Variants in TMEM52B observed in about 807,000 individuals in gnomAD.
The protein encoded by TMEM52B is chromosome 12 open reading frame 59.
Under a neutral mutation model 16.1 loss-of-function variants are expected in TMEM52B, and 11 were observed. The ratio of observed to expected loss-of-function variants is 0.68; its 90% confidence interval spans 0.43 to 1.13. The LOEUF (loss-of-function observed/expected upper bound fraction) is 1.13. Among genes scored for constraint, TMEM52B ranks in the 50% most tolerant of loss-of-function variants. The probability of loss-of-function intolerance (pLI) is 0.00; values close to 1 mark genes in which losing one functional copy is unlikely to be tolerated. For missense variants in TMEM52B, 243 were observed against 230.4 expected (o/e 1.05, Z -0.35); for synonymous variants, 101 against 93.8 (o/e 1.08, Z -0.45).
upstream of TMEM52B, among the ~76,000 whole-genome samples, chr12:10,178,472 G>A (rs774367125): frequency 2.0e-5 from 3 of 148,878 alleles, no homozygotes; most frequent in Non-Finnish European, 4.4e-5. Context: ...GCAGTGAGCC[G>A]AGATTGCGCC....
chr12:10,187,834 C>T (rs1295075686), intron 4 of TMEM52B, among the ~76,000 whole-genome samples: 1 of 152,128 alleles, frequency 6.6e-6, no homozygotes, highest in Non-Finnish European at 1.5e-5. Context: ...CGCAGTGGCT[C>T]ATGCCTGTAA....
chr12:10,184,809 T>C lies in TMEM52B; in HGVS notation c.99-521T>C, dbSNP rs149932667. Among the ~76,000 whole-genome samples, 916 of 152,184 alleles carry C rather than the reference T, an allele frequency of 6.0e-3. 7 individuals are homozygous for C. The highest frequency in any genetic ancestry group is 8.8e-3 in the Non-Finnish European group (599 of 68,020). On this transcript the variant is annotated intron_variant, in intron 2 of 4. Transcript: ENST00000543484. The stretch of plus-strand genomic sequence containing the variant: ...CATCCATTTTCAAAGTTACTCTTTG[T>C]AAACTTGCATTCCAAGTTCTTTCTT...
In TMEM52B at chr12:10,171,415, T is replaced by C. The variant is rs559072577; in HGVS notation, c.-95+564T>C. Among the ~76,000 whole-genome samples, 4 of 152,352 alleles carry C rather than the reference T, an allele frequency of 2.6e-5. No individual in the cohort carries two copies. The South Asian group carries it at 8.3e-4, about 32-fold the overall frequency. On this transcript the variant is annotated intron_variant, in intron 1 of 5. Coordinates refer to the TMEM52B transcript ENST00000381923. ...TGTATGGGTCAAACAGAACTTACAA[T>C]TTTTCAAAGCAGTAGTACACAACAA...
At position 10,190,056 on chromosome 12, in the gene TMEM52B, A is replaced by C. The variant is rs1591994453; in HGVS notation, c.468A>C (p.Ala156=). The C allele has an allele frequency of 1.9e-6, 3 of 1,613,972 alleles. No individual in the cohort carries two copies. The highest frequency in any genetic ancestry group is 2.2e-5 in the East Asian group (1 of 44,900). The change falls in exon 5 of 5, where the codon GCA becomes GCC. Residue 156 remains alanine, a synonymous_variant. Coordinates refer to ENST00000543484, the MANE Select transcript of TMEM52B (RefSeq NM_001384896.1). ...RFTVAMCGQK[A]PDLPPVPEEK... is the part of the protein sequence containing the mutation. ...CAGTAGCCATGTGCGGGCAGAAAGC[A>C]CCTGATCTACCCCCAGTACCTGAAG...
chr12:10,180,682 A>G (rs1363410369), intron 1 of TMEM52B, among the ~76,000 whole-genome samples: 2 of 152,182 alleles, frequency 1.3e-5, no homozygotes, highest in Non-Finnish European at 2.9e-5. Context: ...TAAACTCCCA[A>G]TAGTTACAAA....
Position 10,188,491 on chromosome 12 carries a change from G to GGGAAGGAAGGAAGAAAGGAA in TMEM52B, c.308-1392_308-1391insAAAGGAAGGAAGGAAGGAAG, listed in dbSNP as rs1230315306. On this transcript the variant is annotated intron_variant, in intron 4 of 4. Coordinates refer to ENST00000543484, the MANE Select transcript of TMEM52B (RefSeq NM_001384896.1). ...AAAAGGAAAGAAAGAAAGAGAGAGA[G>GGGAAGGAAGGAAGAAAGGAA]GGAAGGAAGGAAGGAAGGAAGGAAG... Among the ~76,000 whole-genome samples, 59 of 78,238 alleles carry GGGAAGGAAGGAAGAAAGGAA rather than the reference G, an allele frequency of 7.5e-4. 1 individual carries two copies. Among genetic ancestry groups the GGGAAGGAAGGAAGAAAGGAA allele is most frequent in the African/African-American group, 2.7e-3 (57 of 21,394 alleles). The allele number at this position is 78,238 out of a possible 152,430, so 51.3% of individuals were successfully genotyped here.
At chr12:10,186,648 G>T in intron 4 of TMEM52B, 59 bp downstream of exon 4, 1 of 1,465,126 alleles carries the variant, frequency 6.8e-7, no homozygotes, top group Non-Finnish European at 9.2e-7. Flanking sequence ...ATAATGAAAA[G>T]GGTGCAAAGG....
In TMEM52B at chr12:10,182,292, C is replaced by G. The variant is rs1002824361; in HGVS notation, c.55-258C>G. 4.1e-6 allele frequency: 4 copies of G among 985,194 alleles called. No individual in the cohort carries two copies. In the African/African-American group the frequency reaches 7.0e-5, roughly 17 times the overall value. 61.0% of individuals were successfully genotyped at this position (985,194 alleles called of 1,614,324 possible). A position where few individuals can be genotyped will look rare whatever the true frequency, so the allele number is the denominator to read the frequency against. ...AACAAATTAATGTAAATGGCTACCT[C>G]TCATTCACAAAGGGTGATGCTCACC... On this transcript the variant is annotated intron_variant, in intron 1 of 4. Transcript: ENST00000543484.
At chr12:10,184,299 A>T (rs565504108) in intron 2 of TMEM52B, among the ~76,000 whole-genome samples, 1 of 152,320 alleles carries the variant, frequency 6.6e-6, no homozygotes, top group East Asian at 1.9e-4. Context: ...GATGTAAGTA[A>T]GTGTTTCCCG....
chr12:10,178,739 T>A (rs1948789261), upstream of TMEM52B, among the ~76,000 whole-genome samples: 1 of 152,020 alleles, frequency 6.6e-6, no homozygotes, highest in Non-Finnish European at 1.5e-5. Context: ...AATTTGGTTT[T>A]AAAAAAATGT....
chr12:10,188,568 A>C (rs2137561696), intron 4 of TMEM52B, among the ~76,000 whole-genome samples: 1 of 151,818 alleles, frequency 6.6e-6, no homozygotes, highest in South Asian at 2.1e-4. Flanking sequence ...AAAAAGAAAA[A>C]GAAAAAGAAA....
chr12:10,178,663 A>G (rs377150600), upstream of TMEM52B, among the ~76,000 whole-genome samples: 2 of 127,272 alleles, frequency 1.6e-5, no homozygotes, highest in East Asian at 2.0e-4. Flanking sequence ...GAGAGAGAGA[A>G]AGAGAGAGAA....
intron 4 of TMEM52B, among the ~76,000 whole-genome samples, chr12:10,188,834 C>G (rs1246929392): frequency 6.6e-6 from 1 of 151,580 alleles, no homozygotes; most frequent in African/African-American, 2.4e-5. Context: ...CTGGCTAACG[C>G]AGTGAAACCC....
intron 2 of TMEM52B, among the ~76,000 whole-genome samples, chr12:10,184,275 T>G (rs999804245): frequency 6.6e-6 from 1 of 152,204 alleles, no homozygotes; most frequent in African/African-American, 2.4e-5. Flanking sequence ...TAATATTCTT[T>G]GTAATAAACT....
chr12:10,175,939 G>A (rs1490239771), upstream of TMEM52B, among the ~76,000 whole-genome samples: 2 of 152,208 alleles, frequency 1.3e-5, no homozygotes, highest in Non-Finnish European at 2.9e-5. Context: ...GGCTACACTT[G>A]TTACACCAGT....
At chr12:10,189,591 C>G (rs1178103554) in intron 4 of TMEM52B, among the ~76,000 whole-genome samples, 2 of 147,070 alleles carry the variant, frequency 1.4e-5, no homozygotes, top group South Asian at 2.1e-4. Context: ...CCATTGCACT[C>G]CAGCCTGGGC....
At position 10,186,594 on chromosome 12, in the gene TMEM52B, G is replaced by A; in HGVS notation, c.307+5G>A. 1 of 1,559,950 alleles carries A rather than the reference G, an allele frequency of 6.4e-7. No individual in the cohort carries two copies. The highest frequency in any genetic ancestry group is 1.2e-5 in the South Asian group (1 of 84,718). ...CTCTCCAGAGCACTATCACATGTGA[G>A]TACACTGAACTTTTAACCTGGGAGG... is the stretch of plus-strand genomic sequence containing the variant. On this transcript the variant is annotated splice_donor_5th_base_variant and intron_variant, in intron 4 of 4. Coordinates refer to ENST00000543484, the MANE Select transcript of TMEM52B (RefSeq NM_001384896.1).
At chr12:10,175,113 A>G (rs994468972), upstream of TMEM52B, among the ~76,000 whole-genome samples, 1 of 152,186 alleles carries the variant, frequency 6.6e-6, no homozygotes. Flanking sequence ...CCTGGTGTTC[A>G]TGATCTTGTG....
At chr12:10,189,235 AAAAT>A (rs1343441638) in intron 4 of TMEM52B, among the ~76,000 whole-genome samples, 1 of 151,552 alleles carries the variant, frequency 6.6e-6, no homozygotes, top group Non-Finnish European at 1.5e-5. Context: ...AGATGAGGTA[AAAAT>A]AAATAATCCT....
Sources: allele counts gnomAD v4.1 joint callset (sites outside exome capture counted in the v4.1 genomes callset), GRCh38; gene constraint gnomAD v4.1.1; transcripts MANE v1.5; gene names NCBI Gene and HGNC (gene_info 2026-07-23, HGNC 2026-07-21).